WDR97: variants seen among roughly 807,000 people sequenced by gnomAD.
WDR97 encodes WD repeat-containing protein 97.
Under a neutral mutation model 65.4 loss-of-function variants are expected in WDR97, and 111 were observed. The observed-to-expected ratio is 1.70, with a 90% CI of 1.45 to 1.99. The LOEUF (loss-of-function observed/expected upper bound fraction) is 1.99. Ranked by LOEUF, WDR97 falls within the 30% of genes most tolerant of loss-of-function variation. The pLI is 0.00. For synonymous variants in WDR97, 802 were observed against 397.7 expected (o/e 2.02, Z -12.10); for missense variants, 1,674 against 865.0 (o/e 1.94, Z -11.73).
At position 144,116,360 on chromosome 8, in the gene WDR97, C is replaced by T. The variant is rs1427751325; in HGVS notation, c.*67C>T. 10 of 569,288 alleles carry T rather than the reference C, an allele frequency of 1.8e-5. 1 individual carries two copies. In the Admixed American group the frequency reaches 2.9e-4, roughly 16 times the overall value. 35.3% of individuals were successfully genotyped at this position (569,288 alleles called of 1,614,324 possible). ...ATTGGTATTTGGCCAAGGCCTGCATCGGGAATAAAGTCCAGAGAATTTCTT... is the reference window on the plus strand; with the variant it reads ...ATTGGTATTTGGCCAAGGCCTGCATTGGGAATAAAGTCCAGAGAATTTCTT... On this transcript the variant is annotated 3_prime_UTR_variant, in exon 24 of 24. Coordinates refer to ENST00000323662, the MANE Select transcript of WDR97 (RefSeq NM_001316309.2).
At position 144,111,961 on chromosome 8, in the gene WDR97, G is replaced by T. The variant is rs1836559618; in HGVS notation, c.2712G>T (p.Val904=). 4.3e-6 allele frequency: 3 copies of T among 702,414 alleles called. No individual in the cohort carries two copies. Among genetic ancestry groups the T allele is most frequent in the African/African-American group, 1.7e-5 (1 of 57,214 alleles). The allele number at this position is 702,414 out of a possible 1,614,324, so 43.5% of individuals were successfully genotyped here. A position where few individuals can be genotyped will look rare whatever the true frequency, so the allele number is the denominator to read the frequency against. Residue 904 remains valine (V), a synonymous_variant, in exon 13 of 24, where the codon GTG becomes GTT. Transcript: ENST00000323662. ...TLRVERETRD[V]CAVPQAAHCL... ...GAGTGGAGAGAGAGACCCGGGATGT[G>T]TGTGCTGTACCCCAAGCTGCCCACT...
rs1037960431 is a variant in WDR97, at chr8:144,116,910, C to G, written c.*617C>G. On this transcript the variant is annotated 3_prime_UTR_variant, in exon 24 of 24. Coordinates refer to ENST00000323662, the MANE Select transcript of WDR97 (RefSeq NM_001316309.2). ...GGCTCGGCCTCTGGGCCGGGCCCCT[C>G]TGCCCTGTGTGGCCTGGCAGGGCGC... The G allele has an allele frequency of 2.0e-5, 3 of 152,366 alleles. No homozygotes were observed. Among genetic ancestry groups the G allele is most frequent in the African/African-American group, 7.2e-5 (3 of 41,476 alleles). 9.4% of individuals were successfully genotyped at this position (152,366 alleles called of 1,614,324 possible).
Position 144,108,834 on chromosome 8 carries a change from G to A in WDR97, c.768G>A (p.Pro256=), listed in dbSNP as rs776982829. 11 of 702,856 alleles carry A rather than the reference G, an allele frequency of 1.6e-5. No individual in the cohort carries two copies. The South Asian group carries it at 1.6e-4, about 10-fold the overall frequency. 43.5% of individuals were successfully genotyped at this position (702,856 alleles called of 1,614,324 possible). Residue 256 remains proline (P), a synonymous_variant, in exon 3 of 24, where the codon CCG becomes CCA. Transcript: ENST00000323662. ...TGRLMRLAVA[P]VPPHHVLRCF... is the part of the protein sequence containing the mutation. Reference sequence around the variant, plus strand: ...GGCTCATGCGTCTGGCTGTGGCGCCGGTTCCTCCCCACCACGTCCTGCGCT... The same window carrying A: ...GGCTCATGCGTCTGGCTGTGGCGCCAGTTCCTCCCCACCACGTCCTGCGCT...
Position 144,108,470 on chromosome 8 carries a change from A to G in WDR97, c.404A>G (p.Lys135Arg), listed in dbSNP as rs1232523653. ...LDGAGRLHLHKEDGWAQETLL... is the reference protein window; with the variant it reads ...LDGAGRLHLHREDGWAQETLL... ...GGCGCGGGCCGCCTGCACCTGCACA[A>G]GGAAGACGGCTGGGCACAGGAGACG... Residue 135 changes from lysine (K) to arginine (R), a missense_variant, in exon 3 of 24, where the codon AAG (lysine) becomes AGG (arginine). Physicochemically the swap from Lys to Arg is conservative, Grantham distance 26. Coordinates refer to ENST00000323662, the MANE Select transcript of WDR97 (RefSeq NM_001316309.2). 2.9e-6 allele frequency: 2 copies of G among 700,520 alleles called. No individual in the cohort carries two copies. Among genetic ancestry groups the G allele is most frequent in the Admixed American group, 2.0e-5 (1 of 49,918 alleles). 43.4% of individuals were successfully genotyped at this position (700,520 alleles called of 1,614,324 possible).
chr8:144,112,606 T>C (rs560360516), intron 15 of WDR97, 76 bp downstream of exon 15: 1 of 694,628 alleles, frequency 1.4e-6, no homozygotes, highest in South Asian at 1.5e-5. Flanking sequence ...TCCCCTTTGC[T>C]ACAAATCTTT....
At chr8:144,112,875 A>G in intron 15 of WDR97, 3 of 387,342 alleles carry the variant, frequency 7.7e-6, no homozygotes, top group Non-Finnish European at 9.4e-6. Context: ...TTCCTGGAAG[A>G]TCAGAATCCC....
At position 144,107,793 on chromosome 8, in the gene WDR97, CT is replaced by C. The variant is rs1467786838; in HGVS notation, c.44del (p.Leu15ArgfsTer25). The C allele has an allele frequency of 1.4e-6, 1 of 702,834 alleles. No homozygotes were observed. Among genetic ancestry groups the C allele is most frequent in the Admixed American group, 2.0e-5 (1 of 50,028 alleles). 43.5% of individuals were successfully genotyped at this position (702,834 alleles called of 1,614,324 possible). A position where few individuals can be genotyped will look rare whatever the true frequency, so the allele number is the denominator to read the frequency against. On this transcript the variant is annotated frameshift_variant, in exon 1 of 24. Transcript: ENST00000323662. LOFTEE classifies it high-confidence loss of function. ...VWEAEGYNLV[L>X]DSDLYDADGY... ...GGAGGCAGAAGGCTACAACCTAGTT[CT>C]GGACTCGGACCTGTATGATGCGGAT...
At position 144,114,324 on chromosome 8, in the gene WDR97, TG is replaced by T. The variant is rs1564323054; in HGVS notation, c.3643del (p.Ala1215ProfsTer19). The T allele has an allele frequency of 1.4e-6, 1 of 702,666 alleles. No individual in the cohort carries two copies. The highest frequency in any genetic ancestry group is 2.6e-6 in the Non-Finnish European group (1 of 384,900). 43.5% of individuals were successfully genotyped at this position (702,666 alleles called of 1,614,324 possible). On this transcript the variant is annotated frameshift_variant, in exon 19 of 24. Coordinates refer to ENST00000323662, the MANE Select transcript of WDR97 (RefSeq NM_001316309.2). LOFTEE classifies it high-confidence loss of function. ...GTIEGLASLL[V>X]ALLEKTTWVD... ...ATCGAGGGCCTGGCCTCGCTGTTGGTGGCCCTGCTGGAGAAGACCACGTGGG... is the reference window on the plus strand; with the variant it reads ...ATCGAGGGCCTGGCCTCGCTGTTGGTGCCCTGCTGGAGAAGACCACGTGGG...
Position 144,116,389 on chromosome 8 carries a change from G to T in WDR97, c.*96G>T. On this transcript the variant is annotated 3_prime_UTR_variant, in exon 24 of 24. Coordinates refer to ENST00000323662, the MANE Select transcript of WDR97 (RefSeq NM_001316309.2). ...AATAAAGTCCAGAGAATTTCTTTCT[G>T]CAGGATGCCGCCTGCTTTGGAGGGC... 2 of 556,846 alleles carry T rather than the reference G, an allele frequency of 3.6e-6. No individual in the cohort carries two copies. Among genetic ancestry groups the T allele is most frequent in the South Asian group, 4.8e-5 (2 of 41,992 alleles). 34.5% of individuals were successfully genotyped at this position (556,846 alleles called of 1,614,324 possible). A position where few individuals can be genotyped will look rare whatever the true frequency, so the allele number is the denominator to read the frequency against.
rs1232689600 is a variant in WDR97, at chr8:144,108,342, G to A, written c.276G>A (p.Ala92=). 2 of 694,578 alleles carry A rather than the reference G, an allele frequency of 2.9e-6. No individual in the cohort carries two copies. Among genetic ancestry groups the A allele is most frequent in the Admixed American group, 2.1e-5 (1 of 46,960 alleles). 43.0% of individuals were successfully genotyped at this position (694,578 alleles called of 1,614,324 possible). The change falls in exon 3 of 24, where the codon GCG becomes GCA. Residue 92 remains alanine (A), a synonymous_variant. Transcript: ENST00000323662. ...EKEKRAELRA[A]RLTHGLEPLR... ...AGAAGAGAGCCGAGCTGCGCGCGGCGCGCCTGACGCATGGGCTGGAACCAC... is the reference window on the plus strand; with the variant it reads ...AGAAGAGAGCCGAGCTGCGCGCGGCACGCCTGACGCATGGGCTGGAACCAC...
chr8:144,107,850 A>G lies in WDR97; in HGVS notation c.100A>G (p.Thr34Ala). 3 of 702,784 alleles carry G rather than the reference A, an allele frequency of 4.3e-6. No individual in the cohort carries two copies. The highest frequency in any genetic ancestry group is 2.0e-5 in the Admixed American group (1 of 50,014). The allele number at this position is 702,784 out of a possible 1,614,324, so 43.5% of individuals were successfully genotyped here. Reference sequence around the variant, plus strand: ...TGATGTCCCAGACCCTGGGCTGCTCACCGAAAAGAATGGTGAGGGGGCCTG... The same window carrying G: ...TGATGTCCCAGACCCTGGGCTGCTCGCCGAAAAGAATGGTGAGGGGGCCTG... The part of the protein sequence containing the change: ...GYDVPDPGLL[T>A]EKNELTFTEP... Residue 34 changes from threonine to alanine, a missense_variant, in exon 1 of 24, where the codon ACC becomes GCC. Physicochemically the swap from Thr to Ala is moderately conservative, Grantham distance 58. Coordinates refer to ENST00000323662, the MANE Select transcript of WDR97 (RefSeq NM_001316309.2).
In WDR97 at chr8:144,112,547, G is replaced by A. The variant is rs1248849066; in HGVS notation, c.3105+17G>A. 2.8e-6 allele frequency: 2 copies of A among 702,422 alleles called. No homozygotes were observed. The highest frequency in any genetic ancestry group is 3.5e-5 in the African/African-American group (2 of 57,214). 43.5% of individuals were successfully genotyped at this position (702,422 alleles called of 1,614,324 possible). ...CCCCACAAGGTGAGACCCCCTCCCA[G>A]CTCCTGGAGAGCCACTCCTCTCCAG... On this transcript the variant is annotated intron_variant, in intron 15 of 23. Coordinates refer to ENST00000323662, the MANE Select transcript of WDR97 (RefSeq NM_001316309.2).
At chr8:144,107,965 G>A (rs145000439) in intron 1 of WDR97, 94 bp from the exon 2 acceptor site, 1 of 701,250 alleles carries the variant, frequency 1.4e-6, no homozygotes, top group Non-Finnish European at 2.6e-6. Flanking sequence ...GGCAGTCCCT[G>A]GTAGGGCAGG....
At position 144,108,879 on chromosome 8, in the gene WDR97, G is replaced by A. The variant is rs764403503; in HGVS notation, c.813G>A (p.Ser271=). 10 of 702,778 alleles carry A rather than the reference G, an allele frequency of 1.4e-5. No individual in the cohort carries two copies. Among genetic ancestry groups the A allele is most frequent in the Non-Finnish European group, 2.3e-5 (9 of 384,992 alleles). The allele number at this position is 702,778 out of a possible 1,614,324, so 43.5% of individuals were successfully genotyped here. A position where few individuals can be genotyped will look rare whatever the true frequency, so the allele number is the denominator to read the frequency against. Residue 271 remains serine (S), a synonymous_variant, in exon 3 of 24, where the codon TCG becomes TCA. Transcript: ENST00000323662. ...HVLRCFAAYG[S]AVLTFDLHAW... ...TGCGCTGCTTCGCGGCCTATGGCTCGGCCGTGCTCACCTTCGATCTGCATG... is the reference window on the plus strand; with the variant it reads ...TGCGCTGCTTCGCGGCCTATGGCTCAGCCGTGCTCACCTTCGATCTGCATG...
rs1431723546 is a variant in WDR97, at chr8:144,114,628, G to A, written c.3867G>A (p.Val1289=). ...LLACSLESRD[V]VLELMSYFLY... is the part of the protein sequence containing the mutation. The stretch of plus-strand genomic sequence containing the variant: ...CCTGCTCCCTGGAGTCCCGGGATGT[G>A]GTGCTGGAGCTCATGTCCTACTTCC... Residue 1289 remains valine (V), a synonymous_variant, in exon 20 of 24, where the codon GTG becomes GTA. Transcript: ENST00000323662. The A allele has an allele frequency of 5.7e-6, 4 of 702,778 alleles. No homozygotes were observed. The highest frequency in any genetic ancestry group is 2.3e-4 in the Middle Eastern group (1 of 4,392). The allele number at this position is 702,778 out of a possible 1,614,324, so 43.5% of individuals were successfully genotyped here.
Position 144,109,417 on chromosome 8 carries a change from C to T in WDR97, c.1083C>T (p.Asp361=). The T allele has an allele frequency of 1.4e-6, 1 of 702,356 alleles. No individual in the cohort carries two copies. The highest frequency in any genetic ancestry group is 2.6e-6 in the Non-Finnish European group (1 of 384,744). 43.5% of individuals were successfully genotyped at this position (702,356 alleles called of 1,614,324 possible). The stretch of plus-strand genomic sequence containing the variant: ...AGGACGGGACGCTACGCACCTGGGA[C>T]CTGCAGGCGGCGGCGCAGGTGGGCG... ...ASQDGTLRTW[D]LQAAAQVGEV... The change falls in exon 5 of 24, where the codon GAC becomes GAT. Residue 361 remains aspartate (D), a synonymous_variant. Transcript: ENST00000323662.
In WDR97 at chr8:144,111,449, G is replaced by A. The variant is rs973051522; in HGVS notation, c.2450G>A (p.Arg817His). The stretch of plus-strand genomic sequence containing the variant: ...AGCGAGGCCTTGTCTCTCATCCATC[G>A]TCGGAGGGCAACATCTCAGCACCTG... The part of the protein sequence containing the change: ...SLSEALSLIH[R>H]RRATSQHLVP... The change falls in exon 11 of 24, where the codon CGT becomes CAT. Residue 817 changes from arginine to histidine, a missense_variant. Coordinates refer to ENST00000323662, the MANE Select transcript of WDR97 (RefSeq NM_001316309.2). The A allele has an allele frequency of 1.9e-5, 13 of 702,652 alleles. No homozygotes were observed. The highest frequency in any genetic ancestry group is 3.0e-5 in the South Asian group (2 of 67,606). 43.5% of individuals were successfully genotyped at this position (702,652 alleles called of 1,614,324 possible). A position where few individuals can be genotyped will look rare whatever the true frequency, so the allele number is the denominator to read the frequency against.
Position 144,108,455 on chromosome 8 carries a change from G to C in WDR97, c.389G>C (p.Arg130Pro). 4 of 699,814 alleles carry C rather than the reference G, an allele frequency of 5.7e-6. No homozygotes were observed. Among genetic ancestry groups the C allele is most frequent in the Non-Finnish European group, 1.0e-5 (4 of 383,826 alleles). 43.4% of individuals were successfully genotyped at this position (699,814 alleles called of 1,614,324 possible). A position where few individuals can be genotyped will look rare whatever the true frequency, so the allele number is the denominator to read the frequency against. Residue 130 changes from arginine (R) to proline (P), a missense_variant, in exon 3 of 24, where the codon CGC (arginine) becomes CCC (proline). Arg to Pro is a moderately radical substitution (Grantham distance 103). Coordinates refer to ENST00000323662, the MANE Select transcript of WDR97 (RefSeq NM_001316309.2). Reference sequence around the variant, plus strand: ...TTCGTGGTGCTGGACGGCGCGGGCCGCCTGCACCTGCACAAGGAAGACGGC... The same window carrying C: ...TTCGTGGTGCTGGACGGCGCGGGCCCCCTGCACCTGCACAAGGAAGACGGC... ...GRFVVLDGAG[R>P]LHLHKEDGWA...
chr8:144,113,247 C>A lies in WDR97; in HGVS notation c.3106-193C>A. 3 of 601,438 alleles carry A rather than the reference C, an allele frequency of 5.0e-6. No individual in the cohort carries two copies. In the South Asian group the frequency reaches 6.2e-5, roughly 12 times the overall value. The allele number at this position is 601,438 out of a possible 1,614,324, so 37.3% of individuals were successfully genotyped here. A position where few individuals can be genotyped will look rare whatever the true frequency, so the allele number is the denominator to read the frequency against. On this transcript the variant is annotated intron_variant, in intron 15 of 23. Coordinates refer to ENST00000323662, the MANE Select transcript of WDR97 (RefSeq NM_001316309.2). ...GAGCTGATGCTCACTGAGGGCCTCGCCCCTGGTATCTCAGGGTTCTCCTGC... is the reference window on the plus strand; with the variant it reads ...GAGCTGATGCTCACTGAGGGCCTCGACCCTGGTATCTCAGGGTTCTCCTGC...
Sources: gnomAD v4.1 joint callset for allele counts on GRCh38, gnomAD v4.1.1 for gene constraint, MANE v1.5 for transcripts, NCBI Gene and HGNC (gene_info 2026-07-23, HGNC 2026-07-21) for gene names.